PPARGC1A: variants seen among roughly 807,000 people sequenced by gnomAD.
The protein encoded by PPARGC1A is PPARG coactivator 1 alpha, also known as peroxisome proliferator-activated receptor gamma coactivator 1-alpha.
Under a neutral mutation model 88.7 loss-of-function variants are expected in PPARGC1A, and 25 were observed. The ratio of observed to expected loss-of-function variants is 0.28; its 90% CI spans 0.21 to 0.39. The LOEUF (loss-of-function observed/expected upper bound fraction) is 0.39, where lower values mean the gene tolerates loss of function less well. Ranked by LOEUF, PPARGC1A falls within the 10% of genes least tolerant of loss-of-function variation. PPARGC1A has a pLI of 1.00. For missense variants in PPARGC1A, 880 were observed against 968.7 expected (o/e 0.91, Z 1.22); for synonymous variants, 363 against 355.6 (o/e 1.02, Z -0.24).
At chr4:24,422,514 C>T in the PPARGC1A span, among the ~76,000 whole-genome samples, 1 of 151,846 alleles carries the variant, frequency 6.6e-6, no homozygotes, top group African/African-American at 2.4e-5. Context: ...TTTTAAGATT[C>T]GGAATAAAAT....
the PPARGC1A span, among the ~76,000 whole-genome samples, chr4:24,057,861 A>G: frequency 6.6e-6 from 1 of 152,222 alleles, no homozygotes; most frequent in African/African-American, 2.4e-5. Flanking sequence ...CAGCAATTGG[A>G]AAACTGTTTT....
chr4:24,143,211 A>G, the PPARGC1A span, among the ~76,000 whole-genome samples: 3 of 152,176 alleles, frequency 2.0e-5, no homozygotes, highest in Non-Finnish European at 4.4e-5. Flanking sequence ...TTAATTGTTC[A>G]TTCAGTAAAC....
the PPARGC1A span, among the ~76,000 whole-genome samples, chr4:24,012,361 G>C: frequency 6.6e-6 from 1 of 152,022 alleles, no homozygotes; most frequent in Non-Finnish European, 1.5e-5. Flanking sequence ...CCTAATGGTG[G>C]ACCTGAACAT....
At chr4:24,333,112 C>T in the PPARGC1A span, among the ~76,000 whole-genome samples, 631 of 152,252 alleles carry the variant, frequency 4.1e-3, 3 homozygotes, top group Non-Finnish European at 7.5e-3. Context: ...CGTGGTGACA[C>T]GCGCCTGTAA....
At chr4:24,376,128 A>T in the PPARGC1A span, among the ~76,000 whole-genome samples, 1 of 152,340 alleles carries the variant, frequency 6.6e-6, no homozygotes, top group Middle Eastern at 3.4e-3. Flanking sequence ...TTGGGAAATT[A>T]TCATTAAAGA....
chr4:24,442,572 T>C, the PPARGC1A span, among the ~76,000 whole-genome samples: 121 of 152,334 alleles, frequency 7.9e-4, no homozygotes, highest in African/African-American at 2.4e-3. Flanking sequence ...TGACCTTAAC[T>C]TGGGTAATCC....
the PPARGC1A span, among the ~76,000 whole-genome samples, chr4:24,433,359 G>C: frequency 2.6e-5 from 4 of 151,854 alleles, no homozygotes; most frequent in Non-Finnish European, 4.4e-5. Flanking sequence ...ACTTCGCTCT[G>C]GGGGGGACAG....
intron 2 of PPARGC1A, chr4:23,883,557 A>C (rs967050602): frequency 2.0e-5 from 3 of 152,200 alleles, no homozygotes; most frequent in African/African-American, 7.2e-5. Flanking sequence ...GGGGAAAACA[A>C]ATAACCTCTC....
At chr4:24,300,832 C>T in the PPARGC1A span, among the ~76,000 whole-genome samples, 12 of 152,060 alleles carry the variant, frequency 7.9e-5, no homozygotes, top group East Asian at 1.9e-4. Context: ...TAAAAGATGA[C>T]GAAGACTAGA....
chr4:24,177,256 G>A, the PPARGC1A span, among the ~76,000 whole-genome samples: 2 of 152,052 alleles, frequency 1.3e-5, no homozygotes, highest in South Asian at 2.1e-4. Flanking sequence ...AGAAAATGTG[G>A]CACATACACA....
chr4:24,023,229 T>C, the PPARGC1A span, among the ~76,000 whole-genome samples: 2 of 152,208 alleles, frequency 1.3e-5, no homozygotes, highest in African/African-American at 4.8e-5. Context: ...ATCACTGTTA[T>C]GATGAATATT....
the PPARGC1A span, among the ~76,000 whole-genome samples, chr4:24,153,732 TG>T: frequency 6.6e-6 from 1 of 152,192 alleles, no homozygotes; most frequent in African/African-American, 2.4e-5. Flanking sequence ...TAGAGGTTAA[TG>T]GTGACTCTGC....
At chr4:24,034,324 T>C in the PPARGC1A span, among the ~76,000 whole-genome samples, 2 of 152,202 alleles carry the variant, frequency 1.3e-5, no homozygotes, top group African/African-American at 4.8e-5. Context: ...TCAAAAGACA[T>C]ATCACCCAAT....
the PPARGC1A span, among the ~76,000 whole-genome samples, chr4:23,917,167 T>C: frequency 1.2e-3 from 182 of 152,278 alleles, no homozygotes; most frequent in African/African-American, 4.1e-3. Context: ...TATGAAGCAA[T>C]TGGAACAGGC....
the PPARGC1A span, among the ~76,000 whole-genome samples, chr4:24,320,560 A>C: frequency 4.5e-4 from 69 of 152,356 alleles, no homozygotes; most frequent in South Asian, 0.013. Context: ...ATGTTTAAGC[A>C]TCAGGAACTT....
At chr4:24,140,712 C>T in the PPARGC1A span, among the ~76,000 whole-genome samples, 113 of 152,268 alleles carry the variant, frequency 7.4e-4, no homozygotes, top group African/African-American at 2.6e-3. Context: ...AGAAACATGA[C>T]TCAGGAGGAT....
chr4:24,384,060 G>A, the PPARGC1A span, among the ~76,000 whole-genome samples: 1 of 152,156 alleles, frequency 6.6e-6, no homozygotes, highest in African/African-American at 2.4e-5. Context: ...CAAACCAGAA[G>A]AGAGTGGGGG....
At chr4:24,240,699 T>G in the PPARGC1A span, among the ~76,000 whole-genome samples, 1 of 152,118 alleles carries the variant, frequency 6.6e-6, no homozygotes, top group African/African-American at 2.4e-5. Context: ...ATAAAGCAAT[T>G]TTGCCTTGAC....
chr4:23,946,581 GAAT>G, the PPARGC1A span, among the ~76,000 whole-genome samples: 4 of 151,878 alleles, frequency 2.6e-5, no homozygotes, highest in East Asian at 7.8e-4. Context: ...CTTGACAGTA[GAAT>G]AATATTAGTA....
Sources: allele counts gnomAD v4.1 joint callset (sites outside exome capture counted in the v4.1 genomes callset), GRCh38; gene constraint gnomAD v4.1.1; transcripts MANE v1.5; gene names NCBI Gene and HGNC (gene_info 2026-07-23, HGNC 2026-07-21).